Variants in FSTL5 observed in about 807,000 individuals in gnomAD.
FSTL5 encodes follistatin-related protein 5.
FSTL5 carries 62 observed loss-of-function variants against 89.1 expected under a neutral mutation model. That is an observed-to-expected ratio of 0.70 (90% confidence interval 0.57 to 0.86). The LOEUF is 0.86. Among genes scored for constraint, FSTL5 ranks in the 40% least tolerant of loss-of-function variants. The probability of loss-of-function intolerance (pLI) is 0.00; values close to 1 mark genes in which losing one functional copy is unlikely to be tolerated. For synonymous variants in FSTL5, 383 were observed against 346.2 expected (o/e 1.11, Z -1.18); for missense variants, 1,057 against 1,001.6 (o/e 1.06, Z -0.75).
intron 5 of FSTL5, among the ~76,000 whole-genome samples, chr4:161,763,545 A>G (rs1270095272): frequency 2.0e-5 from 3 of 152,156 alleles, no homozygotes; most frequent in Admixed American, 2.0e-4. Flanking sequence ...TGTAGGGGAG[A>G]GAAGGACAGA....
In FSTL5 at chr4:161,669,357, A is replaced by C. The variant is rs561660671; in HGVS notation, c.728-12863T>G. Among the ~76,000 whole-genome samples the C allele has an allele frequency of 1.2e-4, 19 of 152,222 alleles. No homozygotes were observed. In the South Asian group the frequency reaches 3.7e-3, roughly 30 times the overall value. ...TGAACCAATGTTGAAGGAGAAAAACAGTATTAGAAGACTGATACTACCTGA... is the reference window on the plus strand; with the variant it reads ...TGAACCAATGTTGAAGGAGAAAAACCGTATTAGAAGACTGATACTACCTGA... On this transcript the variant is annotated intron_variant, in intron 6 of 15. Transcript: ENST00000306100.
At chr4:161,992,941 T>TAC (rs1560957786) in intron 3 of FSTL5, among the ~76,000 whole-genome samples, 2 of 3,946 alleles carry the variant, frequency 5.1e-4, no homozygotes, top group African/African-American at 7.2e-4. Flanking sequence ...TATATATATA[T>TAC]GTGTGTATAT....
chr4:161,519,415 A>G (rs1211295752), intron 10 of FSTL5, among the ~76,000 whole-genome samples: 1 of 151,958 alleles, frequency 6.6e-6, no homozygotes, highest in Admixed American at 6.6e-5. Context: ...AGTCCCCGCT[A>G]CTCGGGGGGC....
At chr4:162,022,088 C>A (rs1169141659) in intron 3 of FSTL5, among the ~76,000 whole-genome samples, 1 of 144,168 alleles carries the variant, frequency 6.9e-6, no homozygotes, top group Non-Finnish European at 1.5e-5. Flanking sequence ...AAGACTCTGT[C>A]TCAGGGAAAA....
intron 8 of FSTL5, among the ~76,000 whole-genome samples, chr4:161,562,546 T>C (rs1458349363): frequency 2.6e-5 from 4 of 152,024 alleles, no homozygotes. Context: ...ATAAAAGTCT[T>C]CTGCTTATTT....
chr4:161,419,261 G>T (rs941420748), intron 15 of FSTL5, among the ~76,000 whole-genome samples: 2 of 152,068 alleles, frequency 1.3e-5, no homozygotes, highest in African/African-American at 4.8e-5. Flanking sequence ...CCCAGCCTTT[G>T]TAATCATTTA....
At position 161,384,212 on chromosome 4, in the gene FSTL5, G is replaced by A. The variant is rs571128243; in HGVS notation, c.*1535C>T. On this transcript the variant is annotated 3_prime_UTR_variant, in exon 16 of 16. Transcript: ENST00000306100. ...GATATTACACACTATAAAATTTCAGGTTTCTAAGCAGTTTTATACAATTTA... is the reference window on the plus strand; with the variant it reads ...GATATTACACACTATAAAATTTCAGATTTCTAAGCAGTTTTATACAATTTA... 1.3e-5 allele frequency: 2 copies of A among 152,018 alleles called. No homozygotes were observed. Among genetic ancestry groups the A allele is most frequent in the Non-Finnish European group, 2.9e-5 (2 of 67,982 alleles). The allele number at this position is 152,018 out of a possible 1,614,324, so 9.4% of individuals were successfully genotyped here.
chr4:161,839,073 C>T, intron 4 of FSTL5, among the ~76,000 whole-genome samples: 1 of 151,626 alleles, frequency 6.6e-6, no homozygotes, highest in South Asian at 2.1e-4. Flanking sequence ...TAGGAGGAAA[C>T]TGGATATTTA....
intron 8 of FSTL5, among the ~76,000 whole-genome samples, chr4:161,554,132 T>C (rs1250611497): frequency 6.6e-6 from 1 of 151,480 alleles, no homozygotes; most frequent in Admixed American, 6.6e-5. Flanking sequence ...TAAAGTATAT[T>C]TACATTTACA....
intron 4 of FSTL5, among the ~76,000 whole-genome samples, chr4:161,823,243 C>T (rs1730550758): frequency 6.6e-6 from 1 of 152,130 alleles, no homozygotes; most frequent in South Asian, 2.1e-4. Flanking sequence ...AGGGACCCAC[C>T]CATTTTCACC....
intron 7 of FSTL5, among the ~76,000 whole-genome samples, chr4:161,649,494 G>A (rs964159155): frequency 6.6e-6 from 1 of 152,118 alleles, no homozygotes; most frequent in Non-Finnish European, 1.5e-5. Context: ...CAAACAAACT[G>A]AAGGCTGGTT....
At chr4:161,902,636 A>G (rs1381112608) in intron 4 of FSTL5, among the ~76,000 whole-genome samples, 1 of 152,126 alleles carries the variant, frequency 6.6e-6, no homozygotes, top group Non-Finnish European at 1.5e-5. Context: ...TCATGAGGTC[A>G]GGAGATCGAG....
Position 161,386,383 on chromosome 4 carries a change from G to T in FSTL5, c.1908C>A (p.Tyr636Ter). 1 of 1,613,688 alleles carries T rather than the reference G, an allele frequency of 6.2e-7. No individual in the cohort carries two copies. The highest frequency in any genetic ancestry group is 8.5e-7 in the Non-Finnish European group (1 of 1,179,772). The change falls in exon 16 of 16, where the codon TAC (tyrosine) becomes TAA (stop). Residue 636 changes from tyrosine to a stop codon, truncating the protein, a stop_gained. Transcript: ENST00000306100. LOFTEE classifies it low-confidence loss of function (END_TRUNC). ...AGTCCTTCAAGTTAATTGTCTTGAT[G>T]TATGACATGGTTTCAAGATCAATTT... ...LQKIDLETMS[Y>*]IKTINLKDYK...
chr4:161,708,966 T>A (rs1302873775), intron 6 of FSTL5, among the ~76,000 whole-genome samples: 1 of 152,160 alleles, frequency 6.6e-6, no homozygotes, highest in South Asian at 2.1e-4. Flanking sequence ...GTGTTTTATA[T>A]CATAACTGTT....
chr4:161,471,975 TG>T (rs1376823427), intron 13 of FSTL5, among the ~76,000 whole-genome samples: 2 of 122,428 alleles, frequency 1.6e-5, no homozygotes, highest in African/African-American at 3.1e-5. Flanking sequence ...TCAATTTTCT[TG>T]ATCTTTTTTT....
intron 3 of FSTL5, among the ~76,000 whole-genome samples, chr4:161,987,683 T>A (rs2111067202): frequency 6.7e-6 from 1 of 150,028 alleles, no homozygotes; most frequent in East Asian, 1.9e-4. Flanking sequence ...CCAGTGACCT[T>A]ACCAAACTAA....
chr4:161,964,387 T>C (rs1735266442), intron 3 of FSTL5, among the ~76,000 whole-genome samples: 1 of 152,170 alleles, frequency 6.6e-6, no homozygotes, highest in South Asian at 2.1e-4. Flanking sequence ...TCCTTAAACA[T>C]GGTTTACAAA....
At chr4:161,419,609 T>C (rs1731913325) in intron 15 of FSTL5, among the ~76,000 whole-genome samples, 1 of 152,150 alleles carries the variant, frequency 6.6e-6, no homozygotes, top group Admixed American at 6.5e-5. Context: ...CAACCAGTAA[T>C]GACACTTTTC....
At chr4:161,419,546 TC>T (rs1731911424) in intron 15 of FSTL5, among the ~76,000 whole-genome samples, 1 of 152,192 alleles carries the variant, frequency 6.6e-6, no homozygotes, top group Non-Finnish European at 1.5e-5. Context: ...GATTTCGACT[TC>T]CACATTACCT....
Sources: gnomAD v4.1 joint callset for allele counts (sites outside exome capture counted in the v4.1 genomes callset) on GRCh38, gnomAD v4.1.1 for gene constraint, MANE v1.5 for transcripts, NCBI Gene and HGNC (gene_info 2026-07-23, HGNC 2026-07-21) for gene names.